SNTG1: variants seen among roughly 807,000 people sequenced by gnomAD.
SNTG1 encodes the protein syntrophin gamma 1, also known as gamma-1-syntrophin.
SNTG1 carries 39 observed loss-of-function variants against 74.7 expected under a neutral mutation model. The ratio of observed to expected loss-of-function variants is 0.52; its 90% CI spans 0.40 to 0.68. SNTG1 has a LOEUF of 0.68. Among genes scored for constraint, SNTG1 ranks in the 30% least tolerant of loss-of-function variants. The pLI, the probability that SNTG1 is intolerant of heterozygous loss-of-function variation, is 0.00. For synonymous variants in SNTG1, 254 were observed against 217.1 expected, an observed-to-expected ratio of 1.17 and a Z score of -1.49; for missense variants, 685 against 609.5, an observed-to-expected ratio of 1.12 and a Z score of -1.30.
At chr8:50,136,158 A>T (rs1264483979) in intron 1 of SNTG1, among the ~76,000 whole-genome samples, 7 of 152,068 alleles carry the variant, frequency 4.6e-5, no homozygotes, top group Admixed American at 3.9e-4. Context: ...CCAACTATTC[A>T]TGGATATTTA....
chr8:50,759,034 GT>G (rs1203681143), intron 18 of SNTG1, among the ~76,000 whole-genome samples: 21 of 152,056 alleles, frequency 1.4e-4, no homozygotes, highest in African/African-American at 4.6e-4. Context: ...TCTCATTGTG[GT>G]TTTGATTTGC....
intron 2 of SNTG1, among the ~76,000 whole-genome samples, chr8:50,386,800 A>G (rs1011668280): frequency 1.3e-5 from 2 of 152,130 alleles, no homozygotes; most frequent in African/African-American, 4.8e-5. Context: ...CAAGGCATTC[A>G]TGAGTGATCT....
At position 50,259,511 on chromosome 8, in the gene SNTG1, AGAAAGAAAGAAAGAAAG is replaced by A. The variant is rs1222743650; in HGVS notation, c.-28+86877_-28+86893del. On this transcript the variant is annotated intron_variant, in intron 2 of 18. Transcript: ENST00000642720. ...GAGACGCTGTCTCAAAAAAAAAAAA[AGAAAGAAAGAAAGAAAG>A]AAAGAAAGAAAGAAAGAAAGAAAGA... Among the ~76,000 whole-genome samples the A allele has an allele frequency of 8.3e-5, 8 of 96,612 alleles. 1 individual carries two copies. The highest frequency in any genetic ancestry group is 3.3e-4 in the African/African-American group (7 of 21,368). 63.4% of individuals were successfully genotyped at this position (96,612 alleles called of 152,430 possible).
chr8:50,426,333 G>A (rs747620909), intron 4 of SNTG1, among the ~76,000 whole-genome samples: 7 of 152,118 alleles, frequency 4.6e-5, no homozygotes, highest in African/African-American at 1.4e-4. Context: ...ATATTACAGC[G>A]TATCATAAGA....
At chr8:50,481,536 T>C (rs1417256519) in intron 8 of SNTG1, among the ~76,000 whole-genome samples, 1 of 152,204 alleles carries the variant, frequency 6.6e-6, no homozygotes, top group Non-Finnish European at 1.5e-5. Context: ...TTATGTTTAG[T>C]GAGTAGCAAA....
intron 12 of SNTG1, among the ~76,000 whole-genome samples, chr8:50,583,916 T>A (rs1476156115): frequency 6.6e-6 from 1 of 151,998 alleles, no homozygotes; most frequent in Non-Finnish European, 1.5e-5. Context: ...ATGCTATCCC[T>A]CCCCGCTCCC....
intron 1 of SNTG1, among the ~76,000 whole-genome samples, chr8:49,926,622 C>A (rs1020975141): frequency 2.0e-5 from 3 of 151,992 alleles, no homozygotes; most frequent in African/African-American, 4.8e-5. Context: ...ATGTAAAATT[C>A]AAAACCACTA....
At chr8:50,610,050 G>T (rs187245152) in intron 13 of SNTG1, among the ~76,000 whole-genome samples, 414 of 151,996 alleles carry the variant, frequency 2.7e-3, no homozygotes, top group African/African-American at 9.5e-3. Flanking sequence ...ATACTCTTTC[G>T]TTGAAAATTG....
chr8:50,658,930 C>T (rs1162310996), intron 15 of SNTG1, among the ~76,000 whole-genome samples: 1 of 152,120 alleles, frequency 6.6e-6, no homozygotes, highest in Non-Finnish European at 1.5e-5. Context: ...AGAAGCTCCT[C>T]AGGAGTTCAC....
rs1554542268 is a variant in SNTG1 at position 49,994,421 on chromosome 8, A to AC, written c.-103+82190_-103+82191insC. Among the ~76,000 whole-genome samples, 7 of 135,128 alleles carry AC rather than the reference A, an allele frequency of 5.2e-5. No individual in the cohort carries two copies. In the South Asian group the frequency reaches 1.2e-3, roughly 23 times the overall value. The allele number at this position is 135,128 out of a possible 152,430, so 88.6% of individuals were successfully genotyped here. ...CAGGCACCCGCCACCATGCCCGGCT[A>AC]TTTTTTTTTTTTTTTGTATTTTTAG... is the stretch of plus-strand genomic sequence containing the variant. On this transcript the variant is annotated intron_variant, in intron 1 of 18. Transcript: ENST00000642720.
chr8:50,248,934 T>A (rs1359060030), intron 2 of SNTG1, among the ~76,000 whole-genome samples: 1 of 152,148 alleles, frequency 6.6e-6, no homozygotes, highest in Non-Finnish European at 1.5e-5. Context: ...TAGAAAGAGA[T>A]GCCAAAAGAG....
intron 1 of SNTG1, among the ~76,000 whole-genome samples, chr8:50,071,528 G>T (rs1005070288): frequency 2.0e-5 from 3 of 151,840 alleles, no homozygotes; most frequent in African/African-American, 4.8e-5. Flanking sequence ...GCCCAGGCTG[G>T]AGTGCAATGG....
At chr8:50,352,118 G>T (rs2091679768) in intron 2 of SNTG1, among the ~76,000 whole-genome samples, 1 of 152,184 alleles carries the variant, frequency 6.6e-6, no homozygotes, top group South Asian at 2.1e-4. Context: ...ACAGACTTCA[G>T]TGATCTTATT....
chr8:50,271,570 T>C (rs1434632902), intron 2 of SNTG1, among the ~76,000 whole-genome samples: 2 of 152,192 alleles, frequency 1.3e-5, no homozygotes, highest in African/African-American at 4.8e-5. Context: ...AGATTTCTTA[T>C]AACTATTGGC....
At chr8:50,726,064 A>G (rs1339355890) in intron 17 of SNTG1, among the ~76,000 whole-genome samples, 1 of 152,174 alleles carries the variant, frequency 6.6e-6, no homozygotes, top group East Asian at 1.9e-4. Flanking sequence ...CTAGTTGTGT[A>G]CAGGTATGTG....
intron 15 of SNTG1, among the ~76,000 whole-genome samples, chr8:50,695,011 G>C (rs1262124904): frequency 6.6e-6 from 1 of 151,868 alleles, no homozygotes; most frequent in Non-Finnish European, 1.5e-5. Flanking sequence ...AGCATTTCCT[G>C]TAAGACCTGA....
At chr8:50,492,872 C>T (rs746272759) in intron 8 of SNTG1, among the ~76,000 whole-genome samples, 29 of 152,038 alleles carry the variant, frequency 1.9e-4, no homozygotes, top group Non-Finnish European at 3.4e-4. Flanking sequence ...TTATGTATTA[C>T]GTTTAAGTCT....
At chr8:50,198,107 G>A (rs1368481167) in intron 2 of SNTG1, among the ~76,000 whole-genome samples, 1 of 152,020 alleles carries the variant, frequency 6.6e-6, no homozygotes, top group Non-Finnish European at 1.5e-5. Flanking sequence ...ATATCAGATA[G>A]CAGCCTGTGC....
intron 4 of SNTG1, among the ~76,000 whole-genome samples, chr8:50,415,064 A>G (rs2092997981): frequency 6.6e-6 from 1 of 152,154 alleles, no homozygotes; most frequent in Non-Finnish European, 1.5e-5. Context: ...ATTATCCTGG[A>G]TGAGTAATTT....
Sources: allele counts gnomAD v4.1 joint callset (sites outside exome capture counted in the v4.1 genomes callset), GRCh38; gene constraint gnomAD v4.1.1; transcripts MANE v1.5; gene names NCBI Gene and HGNC (gene_info 2026-07-23, HGNC 2026-07-21).